The following SEMA3A variants were observed in gnomAD, a reference collection of about 807,000 sequenced individuals.
The protein encoded by SEMA3A is semaphorin 3A, also known as semaphorin-3A.
A neutral mutation model predicts 97.9 loss-of-function variants in SEMA3A; 29 were observed. That is an observed-to-expected ratio of 0.30 (90% CI 0.22 to 0.40). The LOEUF is 0.40. Among genes scored for constraint, SEMA3A ranks in the 10% least tolerant of loss-of-function variants. The pLI is 1.00. For missense variants in SEMA3A, 763 were observed against 951.3 expected, an observed-to-expected ratio of 0.80 and a Z score of 2.60; for synonymous variants, 321 against 323.7, an observed-to-expected ratio of 0.99 and a Z score of 0.09.
At chr7:84,392,026 AT>A (rs139169961) in intron 1 of SEMA3A, among the ~76,000 whole-genome samples, 14,596 of 151,998 alleles carry the variant, frequency 0.096, 1,250 homozygotes, top group African/African-American at 0.2. Context: ...TAATCTTATA[AT>A]TTTTGAATAC....
At chr7:84,315,121 T>C (rs1484205790) in intron 2 of SEMA3A, among the ~76,000 whole-genome samples, 1 of 152,036 alleles carries the variant, frequency 6.6e-6, no homozygotes, top group African/African-American at 2.4e-5. Flanking sequence ...CTTACCAATA[T>C]CAAACTCCAA....
At chr7:84,026,008 C>G (rs943658072) in intron 6 of SEMA3A, among the ~76,000 whole-genome samples, 3 of 152,140 alleles carry the variant, frequency 2.0e-5, no homozygotes, top group African/African-American at 7.2e-5. Flanking sequence ...AATCATTAAT[C>G]AAGAGAATAG....
At chr7:84,239,075 A>G (rs889216524) in intron 3 of SEMA3A, among the ~76,000 whole-genome samples, 20 of 152,160 alleles carry the variant, frequency 1.3e-4, no homozygotes, top group African/African-American at 4.8e-4. Context: ...AATGTAGACC[A>G]AAAATAATTA....
intron 1 of SEMA3A, among the ~76,000 whole-genome samples, chr7:84,401,927 G>T (rs932252688): frequency 2.0e-5 from 3 of 152,126 alleles, no homozygotes; most frequent in African/African-American, 7.2e-5. Context: ...AAATGCTTCA[G>T]GATGCTGTTC....
intron 6 of SEMA3A, among the ~76,000 whole-genome samples, chr7:84,025,819 G>A (rs908400200): frequency 1.3e-5 from 2 of 152,158 alleles, no homozygotes; most frequent in Non-Finnish European, 1.5e-5. Flanking sequence ...TTAAGACCCA[G>A]CGAATGTTCA....
At chr7:84,364,044 A>G (rs1275683349) in intron 2 of SEMA3A, among the ~76,000 whole-genome samples, 1 of 151,778 alleles carries the variant, frequency 6.6e-6, no homozygotes, top group Non-Finnish European at 1.5e-5. Context: ...CTTGCTCACT[A>G]ATTCATTTTG....
At chr7:84,229,397 A>G (rs1411060219) in intron 3 of SEMA3A, among the ~76,000 whole-genome samples, 1 of 152,162 alleles carries the variant, frequency 6.6e-6, no homozygotes, top group Non-Finnish European at 1.5e-5. Flanking sequence ...AATCTCATAG[A>G]TAAACATACA....
At chr7:84,358,449 ATG>A (rs1477243750) in intron 2 of SEMA3A, among the ~76,000 whole-genome samples, 1 of 152,030 alleles carries the variant, frequency 6.6e-6, no homozygotes, top group African/African-American at 2.4e-5. Flanking sequence ...ATAGTTGTCA[ATG>A]TGTGGTATTA....
At chr7:84,064,176 A>G (rs1311636698) in intron 4 of SEMA3A, among the ~76,000 whole-genome samples, 4 of 152,118 alleles carry the variant, frequency 2.6e-5, no homozygotes, top group Non-Finnish European at 5.9e-5. Context: ...ACTAAGCTTC[A>G]TAAGCGAAGG....
chr7:84,086,302 T>C (rs931171209), intron 4 of SEMA3A, among the ~76,000 whole-genome samples: 2 of 151,828 alleles, frequency 1.3e-5, no homozygotes, highest in South Asian at 2.1e-4. Context: ...TTAGCATACC[T>C]GGCTTTGAGT....
intron 2 of SEMA3A, among the ~76,000 whole-genome samples, chr7:84,365,594 C>T (rs531447652): frequency 6.6e-6 from 1 of 151,456 alleles, no homozygotes; most frequent in Non-Finnish European, 1.5e-5. Flanking sequence ...ATTATTTTTT[C>T]CACTGATCTG....
chr7:83,984,433 A>T (rs192036768), intron 13 of SEMA3A, among the ~76,000 whole-genome samples: 257 of 152,178 alleles, frequency 1.7e-3, no homozygotes, highest in Admixed American at 5.5e-3. Flanking sequence ...ATATACACTG[A>T]ATTTTACTGG....
chr7:84,322,068 GGAA>G (rs1269288824), intron 2 of SEMA3A, among the ~76,000 whole-genome samples: 1 of 151,312 alleles, frequency 6.6e-6, no homozygotes, highest in African/African-American at 2.4e-5. Context: ...TGCAAGTAGG[GGAA>G]ATGTCAAACA....
chr7:84,488,317 T>TACACACACAC (rs67659986), intron 1 of SEMA3A, among the ~76,000 whole-genome samples: 1,743 of 145,718 alleles, frequency 0.012, 36 homozygotes, highest in African/African-American at 0.041. Context: ...TCTTCGTATA[T>TACACACACAC]ACACACACAC....
chr7:84,446,798 T>G (rs547782115), intron 1 of SEMA3A, among the ~76,000 whole-genome samples: 1 of 152,240 alleles, frequency 6.6e-6, no homozygotes, highest in South Asian at 2.1e-4. Context: ...GTGGAGCAGC[T>G]GCTGCAAGGA....
chr7:84,084,535 GA>G (rs11422473), intron 4 of SEMA3A, among the ~76,000 whole-genome samples: 9 of 149,782 alleles, frequency 6.0e-5, no homozygotes, highest in Non-Finnish European at 1.2e-4. Flanking sequence ...GAGAATAAAT[GA>G]AAAAAAAATA....
intron 1 of SEMA3A, among the ~76,000 whole-genome samples, chr7:84,398,963 A>T (rs186846648): frequency 1.6e-4 from 24 of 152,336 alleles, no homozygotes; most frequent in Non-Finnish European, 3.4e-4. Flanking sequence ...GCACCTTTGT[A>T]AGAAATAAAA....
intron 4 of SEMA3A, among the ~76,000 whole-genome samples, chr7:84,089,555 C>T (rs1447734645): frequency 6.6e-6 from 1 of 152,062 alleles, no homozygotes; most frequent in Non-Finnish European, 1.5e-5. Context: ...TGAAATCATA[C>T]ACATCTAAAT....
chr7:84,364,846 GAA>G (rs10710006), intron 2 of SEMA3A, among the ~76,000 whole-genome samples: 10 of 126,496 alleles, frequency 7.9e-5, no homozygotes, highest in African/African-American at 1.1e-4. Context: ...AAGAACAAGA[GAA>G]AAAAAAAAAA....
Sources: gnomAD v4.1 joint callset for allele counts (sites outside exome capture counted in the v4.1 genomes callset) on GRCh38, gnomAD v4.1.1 for gene constraint, MANE v1.5 for transcripts, NCBI Gene and HGNC (gene_info 2026-07-23, HGNC 2026-07-21) for gene names.